SLC44A1: variants seen among roughly 807,000 people sequenced by gnomAD.
SLC44A1 encodes the protein solute carrier family 44 member 1.
SLC44A1 carries 26 observed loss-of-function variants against 79.3 expected under a neutral mutation model. The observed-to-expected ratio is 0.33, with a 90% CI of 0.24 to 0.46. SLC44A1 has a LOEUF of 0.46. Among genes scored for constraint, SLC44A1 ranks in the 20% least tolerant of loss-of-function variants. The pLI is 1.00. For synonymous variants in SLC44A1, 263 were observed against 286.2 expected (o/e 0.92, Z 0.82); for missense variants, 688 against 798.1 (o/e 0.86, Z 1.66).
intron 12 of SLC44A1, among the ~76,000 whole-genome samples, chr9:105,372,630 A>G (rs1262193988): frequency 1.3e-5 from 2 of 151,234 alleles, no homozygotes; most frequent in African/African-American, 4.8e-5. Context: ...TTTATTTCCT[A>G]TTGCCCCATT....
chr9:105,427,157 T>C (rs1829334207), intron 15 of SLC44A1, among the ~76,000 whole-genome samples: 1 of 152,172 alleles, frequency 6.6e-6, no homozygotes, highest in Non-Finnish European at 1.5e-5. Context: ...AGTCTTGAAC[T>C]CCTGAGCTCA....
intron 13 of SLC44A1, among the ~76,000 whole-genome samples, chr9:105,380,173 A>G (rs914759756): frequency 7.9e-5 from 12 of 152,176 alleles, no homozygotes; most frequent in Admixed American, 3.9e-4. Context: ...CAGGCTCAGA[A>G]TGGTTAAATG....
In SLC44A1 at chr9:105,377,851, TTTA is replaced by T. The variant is rs1828340781; in HGVS notation, c.1632+3121_1632+3123del. ...GCAGCCTAGTGACCTGTTAAAACTT[TTTA>T]TTATATCTTTTTATTCATGTCTTTA... On this transcript the variant is annotated intron_variant, in intron 13 of 15. Coordinates refer to ENST00000374720, the MANE Select transcript of SLC44A1 (RefSeq NM_080546.5). Among the ~76,000 whole-genome samples the T allele has an allele frequency of 2.0e-5, 3 of 152,322 alleles. No homozygotes were observed. In the South Asian group the frequency reaches 6.2e-4, roughly 32 times the overall value.
intron 1 of SLC44A1, among the ~76,000 whole-genome samples, chr9:105,274,297 C>T (rs536022039): frequency 5.9e-5 from 9 of 152,166 alleles, no homozygotes; most frequent in Admixed American, 1.3e-4. Flanking sequence ...CTGGACTGTG[C>T]CCTCAGTTTA....
chr9:105,345,159 G>T (rs976427711), intron 4 of SLC44A1, among the ~76,000 whole-genome samples: 1 of 152,148 alleles, frequency 6.6e-6, no homozygotes, highest in Admixed American at 6.5e-5. Flanking sequence ...CATTCTGATG[G>T]TTATATGCAG....
At chr9:105,274,668 A>G (rs1456057141) in intron 1 of SLC44A1, among the ~76,000 whole-genome samples, 2 of 152,336 alleles carry the variant, frequency 1.3e-5, no homozygotes, top group Admixed American at 6.5e-5. Flanking sequence ...ATTTAATAAC[A>G]TATTGTTGAA....
At chr9:105,356,149 G>C in intron 5 of SLC44A1, 63 bp from the exon 6 acceptor site, 1 of 1,249,648 alleles carries the variant, frequency 8.0e-7, no homozygotes, top group South Asian at 1.2e-5. Flanking sequence ...TTGTGTGTTT[G>C]ATGTGGCATT....
At chr9:105,423,445 A>C (rs1358514453) in intron 15 of SLC44A1, among the ~76,000 whole-genome samples, 1 of 152,190 alleles carries the variant, frequency 6.6e-6, no homozygotes, top group African/African-American at 2.4e-5. Context: ...CAGCCTGGGC[A>C]ACAGAGCGAG....
chr9:105,275,875 G>C (rs953704826), intron 1 of SLC44A1, among the ~76,000 whole-genome samples: 5 of 151,358 alleles, frequency 3.3e-5, no homozygotes, highest in African/African-American at 1.2e-4. Flanking sequence ...CGCGATCTCA[G>C]CTCACTGCAA....
intron 1 of SLC44A1, among the ~76,000 whole-genome samples, chr9:105,295,325 T>C (rs1312248513): frequency 2.0e-5 from 3 of 152,260 alleles, no homozygotes; most frequent in Non-Finnish European, 4.4e-5. Flanking sequence ...ATTCAGTTCC[T>C]AAACCGCAAG....
At position 105,306,256 on chromosome 9, in the gene SLC44A1, A is replaced by G. The variant is rs528511851; in HGVS notation, c.127-3468A>G. ...TATGCCCTTATCATTTGCTTCATTA[A>G]TGTGATTTTTCCTTCTGTTGAATGC... On this transcript the variant is annotated intron_variant, in intron 2 of 15. Coordinates refer to ENST00000374720, the MANE Select transcript of SLC44A1 (RefSeq NM_080546.5). 2.4e-4 allele frequency among the ~76,000 whole-genome samples: 37 copies of G among 152,122 alleles called. 2 individuals carry two copies. In the South Asian group the frequency reaches 7.5e-3, roughly 31 times the overall value.
At chr9:105,277,340 T>C (rs1233457300) in intron 1 of SLC44A1, among the ~76,000 whole-genome samples, 2 of 152,226 alleles carry the variant, frequency 1.3e-5, no homozygotes, top group Non-Finnish European at 2.9e-5. Context: ...CACAACCCTC[T>C]CTTTACTGCA....
intron 3 of SLC44A1, among the ~76,000 whole-genome samples, chr9:105,313,380 T>G (rs376114509): frequency 2.6e-5 from 4 of 152,324 alleles, no homozygotes; most frequent in Middle Eastern, 3.4e-3. Flanking sequence ...TGTGATCACT[T>G]TCTGTAGGTC....
Position 105,361,248 on chromosome 9 carries a change from CTG to C in SLC44A1, c.820_821del (p.Val274TyrfsTer3). ...AAGCAAAGAAGGTCTCCCAAAGAAA[CTG>C]TTACTCCTGAGCAGCTTCAGATAGC... On this transcript the variant is annotated frameshift_variant, in exon 8 of 16. Transcript: ENST00000374720. LOFTEE classifies it high-confidence loss of function. 6.2e-7 allele frequency: 1 copy of C among 1,614,018 alleles called. No homozygotes were observed. Among genetic ancestry groups the C allele is most frequent in the Non-Finnish European group, 8.5e-7 (1 of 1,179,870 alleles).
At chr9:105,371,889 G>A (rs1473866832) in intron 12 of SLC44A1, among the ~76,000 whole-genome samples, 1 of 152,058 alleles carries the variant, frequency 6.6e-6, no homozygotes, top group African/African-American at 2.4e-5. Flanking sequence ...AACTGGCTGG[G>A]GCAGTTCTTC....
intron 15 of SLC44A1, among the ~76,000 whole-genome samples, chr9:105,403,370 T>TG (rs996734260): frequency 1.3e-4 from 20 of 151,786 alleles, no homozygotes; most frequent in African/African-American, 4.8e-4. Context: ...AATTGGGATT[T>TG]GGGGATGCTA....
At chr9:105,311,979 T>G (rs1201448384) in intron 3 of SLC44A1, among the ~76,000 whole-genome samples, 1 of 152,188 alleles carries the variant, frequency 6.6e-6, no homozygotes, top group Non-Finnish European at 1.5e-5. Flanking sequence ...CTTCTTTGCT[T>G]CCTTATGAAC....
rs145994906 is a variant in SLC44A1 at position 105,332,622 on chromosome 9, T to C, written c.270-2941T>C. ...CATGGTAGCATTCTTCTCACCCTCC[T>C]GTTCTTGTTTTCTTTGTGCTGGATC... On this transcript the variant is annotated intron_variant, in intron 3 of 15. Transcript: ENST00000374720. Among the ~76,000 whole-genome samples, 101 of 152,350 alleles carry C rather than the reference T, an allele frequency of 6.6e-4. 2 individuals are homozygous for C. The East Asian group carries it at 8.7e-3, about 13-fold the overall frequency.
intron 15 of SLC44A1, chr9:105,386,013 T>G: frequency 1.0e-6 from 1 of 985,346 alleles, no homozygotes; most frequent in Non-Finnish European, 1.2e-6. Flanking sequence ...AGGTTGTACT[T>G]TCTTTGTTTC....
Sources: allele counts gnomAD v4.1 joint callset (sites outside exome capture counted in the v4.1 genomes callset), GRCh38; gene constraint gnomAD v4.1.1; transcripts MANE v1.5; gene names NCBI Gene and HGNC (gene_info 2026-07-23, HGNC 2026-07-21).